Variants in PPP2R2B observed in about 807,000 individuals in gnomAD.
PPP2R2B encodes protein phosphatase 2 regulatory subunit Bbeta, also known as serine/threonine-protein phosphatase 2A 55 kDa regulatory subunit B beta isoform.
PPP2R2B carries 5 observed loss-of-function variants against 46.0 expected under a neutral mutation model. That is an observed-to-expected ratio of 0.11 (90% CI 0.06 to 0.23). PPP2R2B has a LOEUF of 0.23. PPP2R2B is among the 10% of genes least tolerant of loss of function. The pLI is 1.00. For missense variants in PPP2R2B, 367 were observed against 575.0 expected (o/e 0.64, Z 3.70); for synonymous variants, 215 against 206.7 (o/e 1.04, Z -0.34).
intron 2 of PPP2R2B, among the ~76,000 whole-genome samples, chr5:146,749,606 CTTTT>C (rs1045634394): frequency 9.6e-6 from 1 of 103,850 alleles, no homozygotes; most frequent in African/African-American, 3.6e-5. Context: ...CTTTTCTTTT[CTTTT>C]TTTTTTTTTT....
chr5:147,064,601 A>G (rs1350702686), intron 2 of PPP2R2B, among the ~76,000 whole-genome samples: 1 of 152,236 alleles, frequency 6.6e-6, no homozygotes, highest in African/African-American at 2.4e-5. Flanking sequence ...AGAAGAACTA[A>G]GATCTGTGTG....
rs1208710675 is a variant in PPP2R2B, at chr5:146,976,107, ATTT to A, written c.79+79555_79+79557del. ...ACCTAAAAGTTTCATTTTTTAAAAAATTTATTATTATTATTATTATTATTATTA... is the reference window on the plus strand; with the variant it reads ...ACCTAAAAGTTTCATTTTTTAAAAAAATTATTATTATTATTATTATTATTA... On this transcript the variant is annotated intron_variant, in intron 1 of 8. Transcript: ENST00000336640. 8.5e-3 allele frequency among the ~76,000 whole-genome samples: 929 copies of A among 109,930 alleles called. 8 individuals are homozygous for A. Among genetic ancestry groups the A allele is most frequent in the African/African-American group, 0.031 (878 of 28,560 alleles). 72.1% of individuals were successfully genotyped at this position (109,930 alleles called of 152,430 possible). A position where few individuals can be genotyped will look rare whatever the true frequency, so the allele number is the denominator to read the frequency against.
intron 2 of PPP2R2B, among the ~76,000 whole-genome samples, chr5:146,779,726 G>A (rs1755395315): frequency 6.6e-6 from 1 of 152,122 alleles, no homozygotes; most frequent in Admixed American, 6.5e-5. Context: ...TATGGCTCAG[G>A]TTGCACTGTA....
At chr5:146,865,120 A>C (rs961993747) in intron 2 of PPP2R2B, among the ~76,000 whole-genome samples, 1 of 152,242 alleles carries the variant, frequency 6.6e-6, no homozygotes, top group Non-Finnish European at 1.5e-5. Flanking sequence ...AATATTGGAA[A>C]TAATCTAAAC....
At chr5:147,008,453 G>A (rs1754555395) in intron 1 of PPP2R2B, among the ~76,000 whole-genome samples, 1 of 152,112 alleles carries the variant, frequency 6.6e-6, no homozygotes, top group Non-Finnish European at 1.5e-5. Flanking sequence ...TGGTGTCTAT[G>A]CTGTCTTTCC....
At chr5:146,739,078 G>T (rs1437123010) in intron 2 of PPP2R2B, among the ~76,000 whole-genome samples, 1 of 151,942 alleles carries the variant, frequency 6.6e-6, no homozygotes, top group Admixed American at 6.6e-5. Flanking sequence ...GGAGTGTAGT[G>T]GTGTGATCAC....
intron 2 of PPP2R2B, among the ~76,000 whole-genome samples, chr5:146,752,447 C>G (rs1294061261): frequency 6.6e-6 from 1 of 152,196 alleles, no homozygotes; most frequent in Admixed American, 6.5e-5. Context: ...GAACTTAACA[C>G]ATATCTGAAA....
intron 1 of PPP2R2B, among the ~76,000 whole-genome samples, chr5:147,024,571 A>G (rs76133928): frequency 5.3e-5 from 8 of 152,314 alleles, no homozygotes; most frequent in African/African-American, 1.9e-4. Flanking sequence ...ATACTGGGCT[A>G]CAAAGTGAGG....
At chr5:147,065,244 A>G (rs1757384740) in intron 2 of PPP2R2B, among the ~76,000 whole-genome samples, 1 of 152,202 alleles carries the variant, frequency 6.6e-6, no homozygotes, top group South Asian at 2.1e-4. Context: ...TTCAGGGTTA[A>G]GAAAGGCTTA....
chr5:146,617,585 G>T (rs1773289979), intron 7 of PPP2R2B, among the ~76,000 whole-genome samples: 1 of 152,156 alleles, frequency 6.6e-6, no homozygotes, highest in African/African-American at 2.4e-5. Flanking sequence ...TATGATAGGT[G>T]CTAGAGTTAC....
At chr5:146,781,900 G>A (rs2151283706) in intron 2 of PPP2R2B, among the ~76,000 whole-genome samples, 1 of 152,320 alleles carries the variant, frequency 6.6e-6, no homozygotes, top group Non-Finnish European at 1.5e-5. Flanking sequence ...ATCTCATGTT[G>A]AATTGCAATC....
chr5:146,884,365 G>T (rs1762259241), intron 1 of PPP2R2B, among the ~76,000 whole-genome samples: 1 of 152,122 alleles, frequency 6.6e-6, no homozygotes, highest in Non-Finnish European at 1.5e-5. Context: ...GTCGTTGTCT[G>T]ATCCTTTCCA....
At chr5:146,881,083 G>C (rs956956555), upstream of PPP2R2B, among the ~76,000 whole-genome samples, 1 of 152,102 alleles carries the variant, frequency 6.6e-6, no homozygotes, top group Admixed American at 6.6e-5. Flanking sequence ...AGAGAGTGGG[G>C]GAGATGGGAG....
At chr5:146,648,772 T>G (rs1391826258) in intron 6 of PPP2R2B, among the ~76,000 whole-genome samples, 4 of 152,182 alleles carry the variant, frequency 2.6e-5, no homozygotes, top group African/African-American at 4.8e-5. Context: ...GGGCAAAATA[T>G]TCTAGAAAGA....
At chr5:146,717,529 A>AGAAG (rs987744162) in intron 2 of PPP2R2B, among the ~76,000 whole-genome samples, 1 of 152,246 alleles carries the variant, frequency 6.6e-6, no homozygotes, top group Non-Finnish European at 1.5e-5. Context: ...ATCAGGTAAC[A>AGAAG]GAAGGAACCA....
chr5:146,598,095 T>C (rs1298491669), intron 8 of PPP2R2B, among the ~76,000 whole-genome samples: 1 of 152,240 alleles, frequency 6.6e-6, no homozygotes, highest in East Asian at 1.9e-4. Context: ...GTTGAAACAG[T>C]TGTCTGTCCT....
At chr5:146,652,946 A>G (rs1430306811) in intron 5 of PPP2R2B, among the ~76,000 whole-genome samples, 1 of 152,224 alleles carries the variant, frequency 6.6e-6, no homozygotes, top group Non-Finnish European at 1.5e-5. Flanking sequence ...TTGGACATCA[A>G]CTAAGGGCAT....
At chr5:146,639,910 A>G (rs1455184543) in intron 6 of PPP2R2B, among the ~76,000 whole-genome samples, 2 of 152,222 alleles carry the variant, frequency 1.3e-5, no homozygotes, top group African/African-American at 2.4e-5. Context: ...TATGCACCAC[A>G]TTTTGGACAA....
At position 146,650,722 on chromosome 5, in the gene PPP2R2B, C is replaced by T. The variant is rs754685174; in HGVS notation, c.450G>A (p.Val150=). 35 of 1,612,090 alleles carry T rather than the reference C, an allele frequency of 2.2e-5. No individual in the cohort carries two copies. In the East Asian group the frequency reaches 6.7e-4, roughly 31 times the overall value. Reference sequence around the variant, plus strand: ...TCAGGTCCATGGGTCTCAGGACAGGCACCTGGGATGCAAGAGAAACAAATC... The same window carrying T: ...TCAGGTCCATGGGTCTCAGGACAGGTACCTGGGATGCAAGAGAAACAAATC... ...RDPATITTLR[V]PVLRPMDLMV... is the part of the protein sequence containing the mutation. Residue 150 remains valine, a splice_region_variant and synonymous_variant, in exon 6 of 10, where the codon GTG becomes GTA. Transcript: ENST00000394411.
Sources: allele counts gnomAD v4.1 joint callset (sites outside exome capture counted in the v4.1 genomes callset), GRCh38; gene constraint gnomAD v4.1.1; transcripts MANE v1.5; gene names NCBI Gene and HGNC (gene_info 2026-07-23, HGNC 2026-07-21).